The following MALRD1 variants were observed in gnomAD, a reference collection of about 807,000 sequenced individuals.
MALRD1 encodes the protein MAM and LDL-receptor class A domain-containing protein 1.
MALRD1 carries 247 observed loss-of-function variants against 242.1 expected under a neutral mutation model. The ratio of observed to expected loss-of-function variants is 1.02; its 90% CI spans 0.92 to 1.13. The LOEUF (loss-of-function observed/expected upper bound fraction) is 1.13. Among genes scored for constraint, MALRD1 ranks in the 50% most tolerant of loss-of-function variants. MALRD1 has a pLI of 0.00. For missense variants in MALRD1, 2,989 were observed against 2,533.1 expected (o/e 1.18, Z -3.86); for synonymous variants, 995 against 866.6 (o/e 1.15, Z -2.60).
At chr10:19,654,144 A>T (rs1054179992) in intron 36 of MALRD1, among the ~76,000 whole-genome samples, 1 of 152,182 alleles carries the variant, frequency 6.6e-6, no homozygotes, top group African/African-American at 2.4e-5. Context: ...AAAATGATTT[A>T]TCACCTCCCA....
At chr10:19,686,364 G>T (rs187998008) in intron 36 of MALRD1, among the ~76,000 whole-genome samples, 1 of 152,142 alleles carries the variant, frequency 6.6e-6, no homozygotes, top group East Asian at 1.9e-4. Flanking sequence ...GGGAGTGGCC[G>T]TGCGTGGCGT....
At chr10:19,323,230 G>C (rs1196974640) in intron 21 of MALRD1, among the ~76,000 whole-genome samples, 1 of 152,056 alleles carries the variant, frequency 6.6e-6, no homozygotes, top group Non-Finnish European at 1.5e-5. Context: ...GCCCAGACCG[G>C]TTTCCTGTTT....
At chr10:19,302,349 G>A (rs1333993139) in intron 21 of MALRD1, among the ~76,000 whole-genome samples, 2 of 151,690 alleles carry the variant, frequency 1.3e-5, no homozygotes, top group Non-Finnish European at 2.9e-5. Context: ...ATTCATAACA[G>A]CATTATTCAT....
intron 18 of MALRD1, among the ~76,000 whole-genome samples, chr10:19,234,671 T>C (rs911299681): frequency 7.2e-5 from 11 of 152,084 alleles, no homozygotes; most frequent in Non-Finnish European, 1.2e-4. Context: ...GGTATAGATA[T>C]AATCTTTTGT....
chr10:19,222,492 C>G (rs951334815), intron 18 of MALRD1, among the ~76,000 whole-genome samples: 4 of 152,144 alleles, frequency 2.6e-5, no homozygotes, highest in Non-Finnish European at 5.9e-5. Context: ...TTTAAATATA[C>G]ACGTGTAATA....
chr10:19,246,694 A>G (rs893303695), intron 18 of MALRD1, among the ~76,000 whole-genome samples: 2 of 152,146 alleles, frequency 1.3e-5, no homozygotes. Context: ...CATAACTGAG[A>G]TAAAAGTCCA....
At chr10:19,169,294 C>A (rs191500964) in intron 13 of MALRD1, among the ~76,000 whole-genome samples, 1 of 152,174 alleles carries the variant, frequency 6.6e-6, no homozygotes, top group East Asian at 1.9e-4. Flanking sequence ...GAACTGTGGA[C>A]TTGCAATGAT....
intron 15 of MALRD1, 53 bp downstream of exon 15, chr10:19,203,933 C>T: frequency 1.3e-6 from 2 of 1,542,086 alleles, no homozygotes; most frequent in East Asian, 4.9e-5. Context: ...TTTAGTTAGA[C>T]TTCAGAAGAG....
At chr10:19,509,018 T>C (rs1052262287) in intron 31 of MALRD1, among the ~76,000 whole-genome samples, 2 of 152,126 alleles carry the variant, frequency 1.3e-5, no homozygotes, top group African/African-American at 4.8e-5. Context: ...AAAAAGTACT[T>C]TGGAGAAAAA....
chr10:19,155,556 G>A (rs1435981452), intron 12 of MALRD1, among the ~76,000 whole-genome samples: 1 of 152,182 alleles, frequency 6.6e-6, no homozygotes, highest in Non-Finnish European at 1.5e-5. Context: ...TGAAATTTGA[G>A]TTTTTTAAAT....
intron 18 of MALRD1, among the ~76,000 whole-genome samples, chr10:19,217,527 G>T (rs1837371057): frequency 7.2e-6 from 1 of 139,304 alleles, no homozygotes; most frequent in South Asian, 2.2e-4. Context: ...CATTTATCAT[G>T]CAGTCTTTTT....
At chr10:19,555,914 G>A (rs917979331) in intron 32 of MALRD1, among the ~76,000 whole-genome samples, 1 of 152,084 alleles carries the variant, frequency 6.6e-6, no homozygotes, top group Non-Finnish European at 1.5e-5. Context: ...CAGAGAGGGA[G>A]AGAAAAGGAG....
intron 34 of MALRD1, among the ~76,000 whole-genome samples, chr10:19,596,877 A>G (rs1838126237): frequency 6.6e-6 from 1 of 151,514 alleles, no homozygotes; most frequent in South Asian, 2.1e-4. Context: ...GGAAGGAAGG[A>G]AGGAAAGGAA....
At chr10:19,101,649 T>A (rs1265416443) in intron 4 of MALRD1, among the ~76,000 whole-genome samples, 1 of 135,314 alleles carries the variant, frequency 7.4e-6, no homozygotes, top group African/African-American at 2.7e-5. Context: ...ATACAATACA[T>A]ATACTATAGG....
rs1166473607 is a variant in MALRD1, at chr10:19,692,438, T to G, written c.6218-20T>G. On this transcript the variant is annotated intron_variant, in intron 37 of 39. Transcript: ENST00000454679. ...ATATTTCACTGCATATTTATCTTTT[T>G]CTTTGGTTTAAAATTCCAGATACAT... 58 of 1,533,782 alleles carry G rather than the reference T, an allele frequency of 3.8e-5. No individual in the cohort carries two copies. The highest frequency in any genetic ancestry group is 4.9e-5 in the Non-Finnish European group (56 of 1,145,118).
At chr10:19,237,570 A>ATATATAATTATAATTATATAAT (rs1159609907) in intron 18 of MALRD1, among the ~76,000 whole-genome samples, 2 of 118,646 alleles carry the variant, frequency 1.7e-5, no homozygotes, top group Non-Finnish European at 3.4e-5. Flanking sequence ...ACATAAAATT[A>ATATATAATTATAATTATATAAT]TATATAATTA....
rs564312917 is a variant in MALRD1 at position 19,240,798 on chromosome 10, C to T, written c.2992-16886C>T. Among the ~76,000 whole-genome samples the T allele has an allele frequency of 4.6e-5, 7 of 152,126 alleles. No individual in the cohort carries two copies. In the South Asian group the frequency reaches 1.2e-3, roughly 27 times the overall value. The stretch of plus-strand genomic sequence containing the variant: ...GGAATGTTGACTTTTGTCAAGTGTT[C>T]TTTTTGCATCTGTTGAAATGATCAC... On this transcript the variant is annotated intron_variant, in intron 18 of 39. Transcript: ENST00000454679.
In MALRD1 at chr10:19,595,430, C is replaced by A. The variant is rs1450175727; in HGVS notation, c.5917C>A (p.His1973Asn). The stretch of plus-strand genomic sequence containing the variant: ...GCTATGCGATGGAGTGCCCGACTGC[C>A]ACTTTAATGAAGATGAGCTCATCTG... Reference protein sequence around the residue: ...LLLCDGVPDCHFNEDELICSN... With the variant: ...LLLCDGVPDCNFNEDELICSN... The change falls in exon 34 of 40, where the codon CAC becomes AAC. Residue 1973 changes from histidine to asparagine, a missense_variant. By Grantham distance (68) the His-to-Asn change is moderately conservative (BLOSUM62 1). Transcript: ENST00000454679. 1.0e-5 allele frequency: 16 copies of A among 1,550,076 alleles called. No homozygotes were observed. The highest frequency in any genetic ancestry group is 1.3e-5 in the Non-Finnish European group (15 of 1,146,746).
chr10:19,568,910 A>C (rs1240582524), intron 33 of MALRD1, among the ~76,000 whole-genome samples: 1 of 152,128 alleles, frequency 6.6e-6, no homozygotes, highest in Non-Finnish European at 1.5e-5. Flanking sequence ...ATGTTAGTAC[A>C]TTTATTTATC....
Sources: allele counts gnomAD v4.1 joint callset (sites outside exome capture counted in the v4.1 genomes callset), GRCh38; gene constraint gnomAD v4.1.1; transcripts MANE v1.5; gene names NCBI Gene and HGNC (gene_info 2026-07-23, HGNC 2026-07-21).